Variants in MYO1D observed in about 807,000 individuals in gnomAD.
MYO1D encodes the protein unconventional myosin-Id.
A neutral mutation model predicts 122.0 loss-of-function variants in MYO1D; 83 were observed. The observed-to-expected ratio is 0.68, with a 90% CI of 0.57 to 0.82. The LOEUF (loss-of-function observed/expected upper bound fraction) is 0.82, where lower values mean the gene tolerates loss of function less well. MYO1D is among the 40% of genes least tolerant of loss of function. The pLI is 0.00. For missense variants in MYO1D, 1,157 were observed against 1,269.5 expected (o/e 0.91, Z 1.35); for synonymous variants, 464 against 446.9 (o/e 1.04, Z -0.48).
chr17:32,750,665 A>G (rs2089889894), intron 11 of MYO1D, among the ~76,000 whole-genome samples: 1 of 152,078 alleles, frequency 6.6e-6, no homozygotes, highest in African/African-American at 2.4e-5. Flanking sequence ...ATATACAAAA[A>G]CCACTTAGGT....
intron 1 of MYO1D, among the ~76,000 whole-genome samples, chr17:32,837,442 C>A (rs1026948559): frequency 2.6e-5 from 4 of 151,960 alleles, no homozygotes; most frequent in African/African-American, 9.7e-5. Context: ...ATCTAACCAC[C>A]GTTTAATGAT....
intron 8 of MYO1D, among the ~76,000 whole-genome samples, chr17:32,764,155 G>T (rs984549190): frequency 6.6e-6 from 1 of 152,150 alleles, no homozygotes; most frequent in African/African-American, 2.4e-5. Context: ...TATGCTAAGT[G>T]AAATAAGCCA....
intron 1 of MYO1D, among the ~76,000 whole-genome samples, chr17:32,852,572 T>G (rs1218535800): frequency 6.6e-6 from 1 of 152,238 alleles, no homozygotes; most frequent in Non-Finnish European, 1.5e-5. Context: ...AATATGCTAC[T>G]ATGCTTGAAT....
intron 21 of MYO1D, among the ~76,000 whole-genome samples, chr17:32,572,375 A>G (rs2087239629): frequency 6.6e-6 from 1 of 152,038 alleles, no homozygotes; most frequent in Admixed American, 6.6e-5. Flanking sequence ...GTGCTACTCC[A>G]TCTACCCAGA....
chr17:32,636,537 G>A (rs747611705), intron 20 of MYO1D, among the ~76,000 whole-genome samples: 1 of 152,188 alleles, frequency 6.6e-6, no homozygotes, highest in Non-Finnish European at 1.5e-5. Context: ...CTCTGAAAAG[G>A]TGGCTGCCCT....
At chr17:32,668,494 T>C (rs369942854) in intron 16 of MYO1D, among the ~76,000 whole-genome samples, 4 of 152,326 alleles carry the variant, frequency 2.6e-5, no homozygotes, top group African/African-American at 4.8e-5. Context: ...ATTGCCAAAA[T>C]AGCTGATATT....
intron 1 of MYO1D, among the ~76,000 whole-genome samples, chr17:32,864,278 G>A (rs1369094056): frequency 1.3e-5 from 2 of 151,480 alleles, no homozygotes; most frequent in African/African-American, 2.4e-5. Context: ...CCCAGGACAC[G>A]ACAGATTACA....
chr17:32,825,219 C>T (rs1279595242), intron 1 of MYO1D, among the ~76,000 whole-genome samples: 1 of 152,108 alleles, frequency 6.6e-6, no homozygotes, highest in Non-Finnish European at 1.5e-5. Flanking sequence ...TTCCATAATA[C>T]ATTACTTTAT....
At chr17:32,626,127 C>T (rs926317153) in intron 20 of MYO1D, among the ~76,000 whole-genome samples, 3 of 152,204 alleles carry the variant, frequency 2.0e-5, no homozygotes, top group Non-Finnish European at 2.9e-5. Context: ...GTCTCTCCCA[C>T]GGGTCCACAA....
chr17:32,759,374 ATAGG>A (rs775347510), intron 10 of MYO1D, among the ~76,000 whole-genome samples: 2 of 152,124 alleles, frequency 1.3e-5, no homozygotes, highest in Non-Finnish European at 2.9e-5. Flanking sequence ...GAAATAGAAA[ATAGG>A]TAGGAAGGAA....
intron 21 of MYO1D, among the ~76,000 whole-genome samples, chr17:32,528,117 G>A (rs1910401057): frequency 1.3e-5 from 2 of 152,234 alleles, no homozygotes; most frequent in African/African-American, 2.4e-5. Flanking sequence ...GATTACAGGC[G>A]TGAGCCACTG....
chr17:32,532,524 G>A (rs1910537053), intron 21 of MYO1D, among the ~76,000 whole-genome samples: 1 of 151,972 alleles, frequency 6.6e-6, no homozygotes, highest in Non-Finnish European at 1.5e-5. Context: ...TCAGGAGATC[G>A]AGACCATCCT....
intron 21 of MYO1D, among the ~76,000 whole-genome samples, chr17:32,526,699 C>G (rs536066218): frequency 6.6e-6 from 1 of 151,896 alleles, no homozygotes; most frequent in African/African-American, 2.4e-5. Flanking sequence ...GTTGCCCAGG[C>G]TGGGGTGCAG....
At chr17:32,601,837 T>C (rs1009975963) in intron 21 of MYO1D, among the ~76,000 whole-genome samples, 1 of 152,260 alleles carries the variant, frequency 6.6e-6, no homozygotes, top group African/African-American at 2.4e-5. Context: ...ACCTGTACTT[T>C]ATTAAAGATT....
chr17:32,654,602 T>A lies in MYO1D; in HGVS notation c.2365A>T (p.Ile789Phe). The A allele has an allele frequency of 1.9e-6, 3 of 1,611,678 alleles. No individual in the cohort carries two copies. The highest frequency in any genetic ancestry group is 2.5e-6 in the Non-Finnish European group (3 of 1,179,186). ...AGGTCTGAGGCCGGAATGCTCTTGATGAGCTGGGATGCTCTCCATCTACAA... is the reference window on the plus strand; with the variant it reads ...AGGTCTGAGGCCGGAATGCTCTTGAAGAGCTGGGATGCTCTCCATCTACAA... ...IFNRWRASQL[I>F]KSIPASDLPQ... The change falls in exon 18 of 22, where the codon ATC becomes TTC. Residue 789 changes from isoleucine (I) to phenylalanine (F), a missense_variant. By Grantham distance (21) the Ile-to-Phe change is conservative. Transcript: ENST00000318217.
At chr17:32,763,584 A>C (rs948419145) in intron 8 of MYO1D, among the ~76,000 whole-genome samples, 25 of 152,212 alleles carry the variant, frequency 1.6e-4, no homozygotes, top group Admixed American at 1.4e-3. Context: ...AGTAACAATA[A>C]AATATTACCA....
At chr17:32,706,804 C>A (rs1309786760) in intron 16 of MYO1D, among the ~76,000 whole-genome samples, 1 of 152,122 alleles carries the variant, frequency 6.6e-6, no homozygotes, top group Non-Finnish European at 1.5e-5. Context: ...TCACGCCATT[C>A]TCCTGTTTCA....
At chr17:32,719,921 C>G (rs1413565294) in intron 15 of MYO1D, among the ~76,000 whole-genome samples, 1 of 152,192 alleles carries the variant, frequency 6.6e-6, no homozygotes, top group African/African-American at 2.4e-5. Flanking sequence ...GCCTCACTTA[C>G]TACCACAATA....
chr17:32,793,126 G>A (rs1402291942), intron 1 of MYO1D, among the ~76,000 whole-genome samples: 1 of 151,606 alleles, frequency 6.6e-6, no homozygotes, highest in Admixed American at 6.6e-5. Flanking sequence ...ACTTGGAAGA[G>A]GGCACTTAAG....
Sources: allele counts gnomAD v4.1 joint callset (sites outside exome capture counted in the v4.1 genomes callset), GRCh38; gene constraint gnomAD v4.1.1; transcripts MANE v1.5; gene names NCBI Gene and HGNC (gene_info 2026-07-23, HGNC 2026-07-21).